PAK5: variants seen among roughly 807,000 people sequenced by gnomAD.
PAK5 encodes p21 (RAC1) activated kinase 5, also known as serine/threonine-protein kinase PAK 5.
In PAK5, 16 loss-of-function variants were observed where a neutral mutation model predicts 65.9. The observed-to-expected ratio is 0.24, with a 90% confidence interval of 0.16 to 0.37. The LOEUF (loss-of-function observed/expected upper bound fraction) is 0.37, where lower values mean the gene tolerates loss of function less well. Among genes scored for constraint, PAK5 ranks in the 10% least tolerant of loss-of-function variants. The pLI is 1.00. For missense variants in PAK5, 785 were observed against 903.9 expected (o/e 0.87, Z 1.69); for synonymous variants, 371 against 354.9 (o/e 1.05, Z -0.51).
intron 3 of PAK5, among the ~76,000 whole-genome samples, chr20:9,630,231 T>A (rs1330953151): frequency 1.4e-4 from 22 of 152,148 alleles, no homozygotes; most frequent in Admixed American, 1.4e-3. Context: ...ATGAAGAGGT[T>A]CACTCTCAGG....
chr20:9,718,569 G>C (rs1277044699), intron 1 of PAK5, among the ~76,000 whole-genome samples: 1 of 152,002 alleles, frequency 6.6e-6, no homozygotes, highest in Non-Finnish European at 1.5e-5. Flanking sequence ...AACTCCAATG[G>C]GTTGCAAAAT....
intron 1 of PAK5, among the ~76,000 whole-genome samples, chr20:9,806,186 A>G (rs907053284): frequency 6.6e-6 from 1 of 151,972 alleles, no homozygotes; most frequent in African/African-American, 2.4e-5. Context: ...ATGGGGTTTC[A>G]CCATGTTGGC....
intron 1 of PAK5, among the ~76,000 whole-genome samples, chr20:9,756,372 A>G (rs2048634301): frequency 6.6e-6 from 1 of 152,106 alleles, no homozygotes; most frequent in African/African-American, 2.4e-5. Context: ...AGTGTAGCTC[A>G]GAGGGTAATT....
intron 7 of PAK5, among the ~76,000 whole-genome samples, chr20:9,551,133 A>C (rs2045421683): frequency 6.6e-6 from 1 of 152,188 alleles, no homozygotes; most frequent in Admixed American, 6.5e-5. Flanking sequence ...AATTTTCTAA[A>C]AGAACATAAT....
chr20:9,789,974 G>A (rs976948530), intron 1 of PAK5, among the ~76,000 whole-genome samples: 12 of 152,144 alleles, frequency 7.9e-5, no homozygotes, highest in African/African-American at 2.7e-4. Flanking sequence ...CGCCCAAGCT[G>A]CAAGTAAATG....
intron 1 of PAK5, among the ~76,000 whole-genome samples, chr20:9,823,517 G>A (rs2049447866): frequency 6.6e-6 from 1 of 152,110 alleles, no homozygotes; most frequent in Non-Finnish European, 1.5e-5. Flanking sequence ...CAGATCTGAT[G>A]GTTTTATAAA....
intron 7 of PAK5, among the ~76,000 whole-genome samples, chr20:9,553,091 A>G (rs2045454279): frequency 6.6e-6 from 1 of 152,172 alleles, no homozygotes; most frequent in Non-Finnish European, 1.5e-5. Context: ...GTCTCTCCCT[A>G]GTATTCGCAT....
At chr20:9,757,835 A>G (rs1267449702) in intron 1 of PAK5, among the ~76,000 whole-genome samples, 2 of 152,170 alleles carry the variant, frequency 1.3e-5, no homozygotes, top group Non-Finnish European at 2.9e-5. Context: ...CTTTGATAGT[A>G]GTAGAATCAG....
At chr20:9,739,369 G>A (rs1007526779) in intron 1 of PAK5, among the ~76,000 whole-genome samples, 1 of 151,884 alleles carries the variant, frequency 6.6e-6, no homozygotes, top group Non-Finnish European at 1.5e-5. Flanking sequence ...GTTATACAGA[G>A]ATAACAAGAA....
chr20:9,766,550 T>TATATATATATA, intron 1 of PAK5, among the ~76,000 whole-genome samples: 1 of 135,212 alleles, frequency 7.4e-6, no homozygotes, highest in Non-Finnish European at 1.6e-5. Flanking sequence ...TATATATATA[T>TATATATATATA]TTTCAAGCAG....
At chr20:9,686,335 G>C (rs939413309) in intron 2 of PAK5, among the ~76,000 whole-genome samples, 3 of 152,142 alleles carry the variant, frequency 2.0e-5, no homozygotes, top group African/African-American at 7.2e-5. Flanking sequence ...ATGATGTGAG[G>C]GCAGGAGGAG....
At chr20:9,657,663 T>C (rs1164649894) in intron 2 of PAK5, among the ~76,000 whole-genome samples, 1 of 152,224 alleles carries the variant, frequency 6.6e-6, no homozygotes, top group Non-Finnish European at 1.5e-5. Flanking sequence ...ATTATGAAAG[T>C]GTAACTTGTA....
chr20:9,743,155 C>T (rs2123592030), intron 1 of PAK5, among the ~76,000 whole-genome samples: 1 of 152,110 alleles, frequency 6.6e-6, no homozygotes, highest in African/African-American at 2.4e-5. Flanking sequence ...ATCGCTTGAG[C>T]CCAGGAGTTT....
chr20:9,768,164 T>G (rs933682378), intron 1 of PAK5, among the ~76,000 whole-genome samples: 1 of 152,118 alleles, frequency 6.6e-6, no homozygotes, highest in Admixed American at 6.5e-5. Context: ...TCTTTTTTTC[T>G]TCCTGTTTAA....
chr20:9,774,843 C>A (rs1198562613), intron 1 of PAK5, among the ~76,000 whole-genome samples: 1 of 151,884 alleles, frequency 6.6e-6, no homozygotes, highest in Admixed American at 6.6e-5. Flanking sequence ...GTAGTCCCAG[C>A]TACTCGGGAG....
At chr20:9,735,167 C>T (rs2048375173) in intron 1 of PAK5, among the ~76,000 whole-genome samples, 2 of 152,108 alleles carry the variant, frequency 1.3e-5, no homozygotes, top group South Asian at 4.2e-4. Context: ...AGGGGGAACC[C>T]AGGAAAAGAT....
rs1029481041 is a variant in PAK5, at chr20:9,780,681, T to C, written c.-162+58081A>G. ...TTCCTCCCATACCCATTTTCTCATATAGTACACACCCCCCTTGGAAGCTGC... is the reference window on the plus strand; with the variant it reads ...TTCCTCCCATACCCATTTTCTCATACAGTACACACCCCCCTTGGAAGCTGC... On this transcript the variant is annotated intron_variant, in intron 1 of 9. Coordinates refer to ENST00000353224, the MANE Select transcript of PAK5 (RefSeq NM_177990.4). Among the ~76,000 whole-genome samples, 92 of 152,226 alleles carry C rather than the reference T, an allele frequency of 6.0e-4. 1 individual carries two copies. Among genetic ancestry groups the C allele is most frequent in the African/African-American group, 2.1e-3 (89 of 41,564 alleles).
intron 2 of PAK5, among the ~76,000 whole-genome samples, chr20:9,657,278 C>T (rs549037129): frequency 6.6e-6 from 1 of 152,302 alleles, no homozygotes; most frequent in South Asian, 2.1e-4. Flanking sequence ...GTTTCCCTCT[C>T]AGCACGAGGC....
At chr20:9,780,016 A>G (rs2048925697) in intron 1 of PAK5, among the ~76,000 whole-genome samples, 1 of 152,060 alleles carries the variant, frequency 6.6e-6, no homozygotes, top group Non-Finnish European at 1.5e-5. Flanking sequence ...CTCAATAACA[A>G]CATTTCTTTA....
Sources: gnomAD v4.1 joint callset for allele counts (sites outside exome capture counted in the v4.1 genomes callset) on GRCh38, gnomAD v4.1.1 for gene constraint, MANE v1.5 for transcripts, NCBI Gene and HGNC (gene_info 2026-07-23, HGNC 2026-07-21) for gene names.